MYOM2: variants seen among roughly 807,000 people sequenced by gnomAD.
MYOM2 encodes the protein myomesin-2.
A neutral mutation model predicts 187.6 loss-of-function variants in MYOM2; 254 were observed. The observed-to-expected ratio is 1.35, with a 90% CI of 1.22 to 1.50. MYOM2 has a LOEUF of 1.50. Ranked by LOEUF, MYOM2 falls within the 40% of genes most tolerant of loss-of-function variation. MYOM2 has a pLI of 0.00. For missense variants in MYOM2, 2,796 were observed against 1,924.0 expected (o/e 1.45, Z -8.48); for synonymous variants, 981 against 753.8 (o/e 1.30, Z -4.94).
At chr8:2,131,838 T>A (rs1797883308) in intron 32 of MYOM2, among the ~76,000 whole-genome samples, 1 of 151,898 alleles carries the variant, frequency 6.6e-6, no homozygotes, top group African/African-American at 2.4e-5. Context: ...AGAGATGGGG[T>A]TTCACCGTGT....
At position 2,135,922 on chromosome 8, in the gene MYOM2, G is replaced by T. The variant is rs537465170; in HGVS notation, c.3801-4801G>T. 2.6e-5 allele frequency among the ~76,000 whole-genome samples: 4 copies of T among 152,322 alleles called. No homozygotes were observed. The South Asian group carries it at 8.3e-4, about 32-fold the overall frequency. ...TTCAGGGGAAGCCAAATGAGTGGGC[G>T]TGGGGTCTAGGGTGAGACCCTGAAG... On this transcript the variant is annotated intron_variant, in intron 32 of 36. Transcript: ENST00000262113.
At chr8:2,094,695 A>C (rs1298042304) in intron 17 of MYOM2, among the ~76,000 whole-genome samples, 1 of 152,206 alleles carries the variant, frequency 6.6e-6, no homozygotes, top group Non-Finnish European at 1.5e-5. Flanking sequence ...TCTTTTCAAA[A>C]TATGTGCTAA....
chr8:2,053,048 C>T (rs1209847375), intron 3 of MYOM2, among the ~76,000 whole-genome samples: 1 of 152,146 alleles, frequency 6.6e-6, no homozygotes, highest in Non-Finnish European at 1.5e-5. Flanking sequence ...TTCGCGGGTG[C>T]CTTGTTTTAT....
In MYOM2 at chr8:2,092,468, G is replaced by T. The variant is rs764871109; in HGVS notation, c.1951G>T (p.Ala651Ser). The part of the protein sequence containing the change: ...LLGYYVDCCV[A>S]GTNLWEPCNH... Reference sequence around the variant, plus strand: ...GGGCTACTACGTGGACTGCTGTGTGGCCGGAACCAACCTCTGGGAGCCCTG... The same window carrying T: ...GGGCTACTACGTGGACTGCTGTGTGTCCGGAACCAACCTCTGGGAGCCCTG... The change falls in exon 16 of 37, where the codon GCC (alanine) becomes TCC (serine). Residue 651 changes from alanine to serine, a missense_variant. Transcript: ENST00000262113. The T allele has an allele frequency of 6.2e-7, 1 of 1,614,118 alleles. No homozygotes were observed. Among genetic ancestry groups the T allele is most frequent in the East Asian group, 2.2e-5 (1 of 44,870 alleles).
chr8:2,119,222 T>C (rs1270561175), intron 28 of MYOM2: 2 of 152,274 alleles, frequency 1.3e-5, no homozygotes, highest in Non-Finnish European at 2.9e-5. Context: ...GTATTGGGAA[T>C]GCTTGGCTGT....
chr8:2,059,930 C>G (rs539150063), intron 6 of MYOM2, among the ~76,000 whole-genome samples: 1 of 151,938 alleles, frequency 6.6e-6, no homozygotes, highest in Non-Finnish European at 1.5e-5. Context: ...TTAGTAGAGA[C>G]GGGGTTTCAC....
intron 32 of MYOM2, 77 bp from the exon 33 acceptor site, chr8:2,140,646 C>T (rs923378144): frequency 3.0e-5 from 43 of 1,433,364 alleles, no homozygotes; most frequent in Middle Eastern, 3.8e-4. Flanking sequence ...GTCACAGCAA[C>T]GGGACATTGC....
chr8:2,123,443 A>T, intron 29 of MYOM2, 78 bp downstream of exon 29: 1 of 1,466,978 alleles, frequency 6.8e-7, no homozygotes, highest in Non-Finnish European at 9.5e-7. Flanking sequence ...ACAATCCTCT[A>T]ATTTGCATCC....
chr8:2,059,951 A>G (rs1818797575), intron 6 of MYOM2, among the ~76,000 whole-genome samples: 1 of 152,144 alleles, frequency 6.6e-6, no homozygotes, highest in South Asian at 2.1e-4. Flanking sequence ...CATGTTGGTC[A>G]GGCTGGTCTC....
intron 19 of MYOM2, chr8:2,100,554 T>G: frequency 6.8e-6 from 2 of 294,594 alleles, no homozygotes; most frequent in Non-Finnish European, 6.5e-6. Flanking sequence ...CCGTGGAGGG[T>G]AACTTGAGAA....
Position 2,142,279 on chromosome 8 carries a change from T to TC in MYOM2, c.4002-96_4002-95insC, listed in dbSNP as rs3830698. The TC allele has an allele frequency of 3.4e-3, 4,118 of 1,216,820 alleles. 59 individuals carry two copies. The East Asian group carries it at 0.036, about 11-fold the overall frequency. The allele number at this position is 1,216,820 out of a possible 1,614,324, so 75.4% of individuals were successfully genotyped here. Reference sequence around the variant, plus strand: ...CAAACGTATCTCCTTCTTCTTTTGCTTCATCGCTAGTGAGCCTCTCAGCTG... The same window carrying TC: ...CAAACGTATCTCCTTCTTCTTTTGCTCTCATCGCTAGTGAGCCTCTCAGCTG... On this transcript the variant is annotated intron_variant, in intron 34 of 36. Transcript: ENST00000262113.
chr8:2,116,365 C>T, intron 27 of MYOM2, 90 bp downstream of exon 27: 1 of 1,258,790 alleles, frequency 7.9e-7, no homozygotes, highest in Non-Finnish European at 1.1e-6. Context: ...TTGCATGATC[C>T]CAAGCAACCC....
At chr8:2,074,705 A>C (rs4875920) in intron 10 of MYOM2, among the ~76,000 whole-genome samples, 1,933 of 152,182 alleles carry the variant, frequency 0.013, 29 homozygotes, top group African/African-American at 0.044. Context: ...TTGGCCCCCC[A>C]ACTCGGCCTC....
chr8:2,133,173 G>A (rs939877547), intron 32 of MYOM2, among the ~76,000 whole-genome samples: 7 of 152,152 alleles, frequency 4.6e-5, no homozygotes, highest in African/African-American at 1.7e-4. Context: ...AAGGCTGCTG[G>A]GTATGTTAAG....
chr8:2,062,419 T>G (rs116366050), intron 6 of MYOM2, among the ~76,000 whole-genome samples: 1 of 151,708 alleles, frequency 6.6e-6, no homozygotes, highest in Non-Finnish European at 1.5e-5. Context: ...TGGGAAGAAG[T>G]GGGTGCTCTG....
chr8:2,110,458 A>G (rs765492995), intron 25 of MYOM2, among the ~76,000 whole-genome samples: 6 of 152,168 alleles, frequency 3.9e-5, no homozygotes, highest in Admixed American at 6.5e-5. Flanking sequence ...TGAGAAGCCA[A>G]TGGTTGTGTT....
rs906512545 is a variant in MYOM2, at chr8:2,117,939, G to C, written c.3440G>C (p.Arg1147Pro). 2 of 1,612,640 alleles carry C rather than the reference G, an allele frequency of 1.2e-6. No individual in the cohort carries two copies. The highest frequency in any genetic ancestry group is 1.1e-5 in the South Asian group (1 of 90,898). The change falls in exon 28 of 37, where the codon CGA becomes CCA. Residue 1147 changes from arginine to proline, a missense_variant. Arg to Pro is a moderately radical substitution (Grantham distance 103). Transcript: ENST00000262113. ...HWDVTEECEV[R>P]LVCKVANTKK... ...GATGTCACGGAAGAATGTGAAGTTC[G>C]ACTTGTTTGCAAGGTGAGAAACCCG...
At chr8:2,086,500 CTGTCGTG>C in intron 14 of MYOM2, among the ~76,000 whole-genome samples, 1 of 151,344 alleles carries the variant, frequency 6.6e-6, no homozygotes, top group Non-Finnish European at 1.5e-5. Flanking sequence ...TGGCCCCCCA[CTGTCGTG>C]ATCTCTGCGT....
chr8:2,120,995 T>C (rs1481742390), intron 28 of MYOM2, among the ~76,000 whole-genome samples: 1 of 151,980 alleles, frequency 6.6e-6, no homozygotes, highest in Non-Finnish European at 1.5e-5. Context: ...AGAAGGTTAC[T>C]TGCAAGGAAG....
Sources: gnomAD v4.1 joint callset for allele counts (sites outside exome capture counted in the v4.1 genomes callset) on GRCh38, gnomAD v4.1.1 for gene constraint, MANE v1.5 for transcripts, NCBI Gene and HGNC (gene_info 2026-07-23, HGNC 2026-07-21) for gene names.